The following BTBD2 variants were observed in gnomAD, a reference collection of about 807,000 sequenced individuals.
The protein encoded by BTBD2 is BTB domain containing 2, also known as BTB/POZ domain-containing protein 2.
In BTBD2, 15 loss-of-function variants were observed where a neutral mutation model predicts 44.0. The observed-to-expected ratio is 0.34, with a 90% confidence interval of 0.23 to 0.53. BTBD2 has a LOEUF of 0.53. Among genes scored for constraint, BTBD2 ranks in the 20% least tolerant of loss-of-function variants. The pLI, the probability that BTBD2 is intolerant of heterozygous loss-of-function variation, is 0.95. For missense variants in BTBD2, 657 were observed against 746.4 expected, an observed-to-expected ratio of 0.88 and a Z score of 1.39; for synonymous variants, 443 against 335.9, an observed-to-expected ratio of 1.32 and a Z score of -3.49.
intron 8 of BTBD2, 80 bp from the exon 9 acceptor site, chr19:1,986,729 T>C: frequency 1.3e-6 from 2 of 1,580,120 alleles, no homozygotes; most frequent in Non-Finnish European, 1.7e-6. Flanking sequence ...AGGCCCCGAC[T>C]GGGCCAGGGT....
chr19:2,004,451 C>A (rs1016201877), intron 1 of BTBD2, among the ~76,000 whole-genome samples: 1 of 151,922 alleles, frequency 6.6e-6, no homozygotes, highest in Non-Finnish European at 1.5e-5. Flanking sequence ...GCATGCATCA[C>A]CACGCCCAGC....
intron 3 of BTBD2, 22 bp from the exon 4 acceptor site, chr19:1,990,844 G>T (rs1398752827): frequency 6.5e-7 from 1 of 1,536,018 alleles, no homozygotes; most frequent in Admixed American, 2.0e-5. Context: ...CATCGACGGG[G>T]GGCGCGGTGG....
At chr19:2,001,279 G>A (rs190892113) in intron 1 of BTBD2, among the ~76,000 whole-genome samples, 2 of 151,912 alleles carry the variant, frequency 1.3e-5, no homozygotes, top group African/African-American at 2.4e-5. Flanking sequence ...AGTGGATCAC[G>A]AGGTCAGGAG....
At chr19:1,994,620 G>A (rs747252732) in intron 2 of BTBD2, among the ~76,000 whole-genome samples, 15 of 151,940 alleles carry the variant, frequency 9.9e-5, no homozygotes, top group East Asian at 5.8e-4. Context: ...TTAGCCAGGC[G>A]TGGTGGCGTG....
chr19:1,986,158 G>A lies in BTBD2; in HGVS notation c.*330C>T, dbSNP rs1004072060. On this transcript the variant is annotated 3_prime_UTR_variant, in exon 9 of 9. Coordinates refer to ENST00000255608, the MANE Select transcript of BTBD2 (RefSeq NM_017797.4). ...ACGCGAGGGACGCCCGCGGCGCACC[G>A]CCGGCAGACGACGTGGGCAGGCGCC... The A allele has an allele frequency of 1.8e-5, 6 of 338,384 alleles. No homozygotes were observed. The highest frequency in any genetic ancestry group is 3.3e-5 in the Non-Finnish European group (6 of 181,794). 21.0% of individuals were successfully genotyped at this position (338,384 alleles called of 1,614,324 possible). A position where few individuals can be genotyped will look rare whatever the true frequency, so the allele number is the denominator to read the frequency against.
intron 1 of BTBD2, among the ~76,000 whole-genome samples, chr19:2,007,847 C>T (rs892760249): frequency 5.9e-5 from 8 of 136,716 alleles, no homozygotes; most frequent in African/African-American, 2.3e-4. Context: ...TAAAACAAAA[C>T]ACAGAATATA....
At chr19:1,988,793 G>C (rs955757429) in intron 5 of BTBD2, among the ~76,000 whole-genome samples, 1 of 152,144 alleles carries the variant, frequency 6.6e-6, no homozygotes, top group African/African-American at 2.4e-5. Context: ...AGTAGAGACG[G>C]GGTTTCACCC....
At chr19:1,991,136 C>A (rs1218600663) in intron 3 of BTBD2, 2 of 277,262 alleles carry the variant, frequency 7.2e-6, no homozygotes, top group South Asian at 3.7e-5. Flanking sequence ...TGCAGCTGCA[C>A]TCGGGGGGCA....
chr19:2,015,149 C>T (rs1310638057), intron 1 of BTBD2, 148 bp downstream of exon 1: 1 of 1,220,938 alleles, frequency 8.2e-7, no homozygotes, highest in East Asian at 3.3e-5. Flanking sequence ...TGCAGGGGTG[C>T]AGGGGTCCCG....
At chr19:1,999,698 C>T (rs993362780) in intron 1 of BTBD2, among the ~76,000 whole-genome samples, 3 of 151,332 alleles carry the variant, frequency 2.0e-5, no homozygotes, top group East Asian at 1.9e-4. Context: ...CAGTGGCTCA[C>T]GCCTGTAATC....
chr19:1,999,865 G>C (rs1235350635), intron 1 of BTBD2, among the ~76,000 whole-genome samples: 1 of 151,648 alleles, frequency 6.6e-6, no homozygotes, highest in Non-Finnish European at 1.5e-5. Flanking sequence ...AGGAGGCTGA[G>C]GCAGGAGAAT....
intron 1 of BTBD2, among the ~76,000 whole-genome samples, chr19:2,003,790 GAA>G (rs61610104): frequency 1.2e-4 from 17 of 146,602 alleles, no homozygotes; most frequent in East Asian, 2.0e-4. Context: ...AAAAAAAAGA[GAA>G]AGAAAAGAAA....
chr19:2,010,310 G>A (rs546677461), intron 1 of BTBD2, among the ~76,000 whole-genome samples: 3 of 152,290 alleles, frequency 2.0e-5, no homozygotes, highest in South Asian at 2.1e-4. Context: ...CAATCACTGC[G>A]TGCCTACTGT....
chr19:1,998,548 G>C (rs995808890), intron 1 of BTBD2, among the ~76,000 whole-genome samples: 1 of 152,234 alleles, frequency 6.6e-6, no homozygotes, highest in African/African-American at 2.4e-5. Flanking sequence ...CAGTGGCTCA[G>C]ATCTTCGATA....
chr19:2,007,178 A>T (rs1056564389), intron 1 of BTBD2, among the ~76,000 whole-genome samples: 1 of 151,942 alleles, frequency 6.6e-6, no homozygotes, highest in East Asian at 1.9e-4. Context: ...TTTAGTAGAG[A>T]CGGAGTATCA....
chr19:1,986,259 G>A lies in BTBD2; in HGVS notation c.*229C>T. 1 of 559,006 alleles carries A rather than the reference G, an allele frequency of 1.8e-6. No homozygotes were observed. Among genetic ancestry groups the A allele is most frequent in the Non-Finnish European group, 3.1e-6 (1 of 318,896 alleles). 34.6% of individuals were successfully genotyped at this position (559,006 alleles called of 1,614,324 possible). A position where few individuals can be genotyped will look rare whatever the true frequency, so the allele number is the denominator to read the frequency against. On this transcript the variant is annotated 3_prime_UTR_variant, in exon 9 of 9. Transcript: ENST00000255608. ...TAGTCCTGAGGGATTGTCTCCACAG[G>A]GCCTGGCCACTGGCCTGGCCACCTC... is the stretch of plus-strand genomic sequence containing the variant.
Position 2,014,917 on chromosome 19 carries a change from G to T in BTBD2, c.407+380C>A, listed in dbSNP as rs191633995. Among the ~76,000 whole-genome samples the T allele has an allele frequency of 4.6e-5, 7 of 151,834 alleles. No homozygotes were observed. The East Asian group carries it at 9.7e-4, about 21-fold the overall frequency. On this transcript the variant is annotated intron_variant, in intron 1 of 8. Transcript: ENST00000255608. ...GAGGGGTGCAGAGGCCCAGAGTGCAGGCCTGGTGGGGTCTGGGGACAGAGA... is the reference window on the plus strand; with the variant it reads ...GAGGGGTGCAGAGGCCCAGAGTGCATGCCTGGTGGGGTCTGGGGACAGAGA...
At chr19:2,007,556 C>T (rs2016410332) in intron 1 of BTBD2, among the ~76,000 whole-genome samples, 1 of 152,138 alleles carries the variant, frequency 6.6e-6, no homozygotes, top group Non-Finnish European at 1.5e-5. Context: ...CCGCCTTAGG[C>T]CAGGGACGGT....
chr19:1,999,797 A>G (rs964099138), intron 1 of BTBD2, among the ~76,000 whole-genome samples: 1 of 151,970 alleles, frequency 6.6e-6, no homozygotes, highest in Non-Finnish European at 1.5e-5. Flanking sequence ...CCCCGTCTCT[A>G]CTAAAAATAC....
Sources: allele counts gnomAD v4.1 joint callset (sites outside exome capture counted in the v4.1 genomes callset), GRCh38; gene constraint gnomAD v4.1.1; transcripts MANE v1.5; gene names NCBI Gene and HGNC (gene_info 2026-07-23, HGNC 2026-07-21).